Variants in NUMA1 observed in about 807,000 individuals in gnomAD.
NUMA1 encodes SP-H antigen.
Under a neutral mutation model 237.1 loss-of-function variants are expected in NUMA1, and 62 were observed. The observed-to-expected ratio is 0.26, with a 90% CI of 0.21 to 0.32. The LOEUF is 0.32. NUMA1 is among the 10% of genes least tolerant of loss of function. The pLI is 1.00. For synonymous variants in NUMA1, 1,028 were observed against 1,066.1 expected (o/e 0.96, Z 0.70); for missense variants, 2,533 against 2,666.5 (o/e 0.95, Z 1.10).
At chr11:72,043,528 A>AT (rs34806999) in intron 2 of NUMA1, among the ~76,000 whole-genome samples, 108,550 of 123,124 alleles carry the variant, frequency 0.88, 48,242 homozygotes, top group Non-Finnish European at 0.94. Flanking sequence ...TGCCTGGCTA[A>AT]TTTTTTTTTT....
intron 17 of NUMA1, 66 bp from the exon 18 acceptor site, chr11:72,009,453 A>G (rs1346007762): frequency 6.6e-7 from 1 of 1,520,204 alleles, no homozygotes; most frequent in Non-Finnish European, 8.7e-7. Context: ...TATCTGCACC[A>G]GCCACTGGGG....
At position 72,044,607 on chromosome 11, in the gene NUMA1, G is replaced by C. The variant is rs867802484; in HGVS notation, c.-32-8632C>G. Among the ~76,000 whole-genome samples the C allele has an allele frequency of 6.3e-3, 958 of 151,852 alleles. 6 individuals carry two copies. Among genetic ancestry groups the C allele is most frequent in the Middle Eastern group, 0.021 (6 of 288 alleles). ...ACAGTTAACAGGGGTTACTTTGGGGGGGGGGAGGAGTTAGATTGTAGGGAA... is the reference window on the plus strand; with the variant it reads ...ACAGTTAACAGGGGTTACTTTGGGGCGGGGGAGGAGTTAGATTGTAGGGAA... On this transcript the variant is annotated intron_variant, in intron 2 of 26. Coordinates refer to ENST00000393695, the MANE Select transcript of NUMA1 (RefSeq NM_006185.4).
rs1956417517 is a variant in NUMA1 at position 72,014,921 on chromosome 11, G to A, written c.2582C>T (p.Ser861Phe). The A allele has an allele frequency of 6.2e-7, 1 of 1,614,074 alleles. No homozygotes were observed. Among genetic ancestry groups the A allele is most frequent in the Non-Finnish European group, 8.5e-7 (1 of 1,180,060 alleles). Residue 861 changes from serine (S) to phenylalanine (F), a missense_variant, in exon 15 of 27, where the codon TCC (serine) becomes TTC (phenylalanine). Ser to Phe is a radical substitution (Grantham distance 155). Coordinates refer to ENST00000393695, the MANE Select transcript of NUMA1 (RefSeq NM_006185.4). This position sits in a 1 kb window ranked among gnomAD's most constrained non-coding sequence, Gnocchi z 4.6. ...CCGGCTTATCTGGAGCTCGCTGTGGGATTCTATGCCTGCCACCTTCTCCTT... is the reference window on the plus strand; with the variant it reads ...CCGGCTTATCTGGAGCTCGCTGTGGAATTCTATGCCTGCCACCTTCTCCTT... Reference protein sequence around the residue: ...EAKEKVAGIESHSELQISRQQ... With the variant: ...EAKEKVAGIEFHSELQISRQQ...
intron 2 of NUMA1, among the ~76,000 whole-genome samples, chr11:72,046,222 A>T (rs1457322503): frequency 6.6e-6 from 1 of 152,194 alleles, no homozygotes; most frequent in Non-Finnish European, 1.5e-5. Context: ...TCCTCAGAAG[A>T]GCGGGAAAGG....
intron 23 of NUMA1, 68 bp from the exon 24 acceptor site, chr11:72,004,884 C>A (rs2845858): frequency 1.9e-5 from 28 of 1,435,896 alleles, no homozygotes; most frequent in Non-Finnish European, 2.1e-5. Context: ...CTGGGGCTGT[C>A]CCAGAACTCT....
Position 72,017,755 on chromosome 11 carries a change from C to T in NUMA1, c.1051G>A (p.Ala351Thr), listed in dbSNP as rs1455562888. The part of the protein sequence containing the change: ...LNELTEEHSK[A>T]TQEWLEKQAQ... The stretch of plus-strand genomic sequence containing the variant: ...TGCTTCTCTAGCCACTCCTGAGTGG[C>T]CTTGCTGTGCTCCTCCGTCAGCTCA... The change falls in exon 13 of 27, where the codon GCC (alanine) becomes ACC (threonine). Residue 351 changes from alanine to threonine, a missense_variant. Coordinates refer to ENST00000393695, the MANE Select transcript of NUMA1 (RefSeq NM_006185.4). 6.2e-7 allele frequency: 1 copy of T among 1,613,406 alleles called. No homozygotes were observed. The highest frequency in any genetic ancestry group is 1.7e-5 in the Admixed American group (1 of 60,024).
chr11:72,080,061 G>T (rs563444646), intron 1 of NUMA1, among the ~76,000 whole-genome samples: 68 of 152,232 alleles, frequency 4.5e-4, no homozygotes, highest in Non-Finnish European at 7.6e-4. Flanking sequence ...CATTTGGCAG[G>T]TCATTGTGGA....
intron 17 of NUMA1, among the ~76,000 whole-genome samples, chr11:72,010,417 A>G (rs1264230703): frequency 1.3e-5 from 2 of 152,240 alleles, no homozygotes; most frequent in African/African-American, 4.8e-5. Context: ...ACTTTATGCA[A>G]TGGTGGAATG....
intron 1 of NUMA1, among the ~76,000 whole-genome samples, chr11:72,075,868 A>C (rs896340642): frequency 6.6e-6 from 1 of 152,184 alleles, no homozygotes; most frequent in Non-Finnish European, 1.5e-5. Context: ...CTGATGACAT[A>C]GCTGTCCTAG....
intron 1 of NUMA1, among the ~76,000 whole-genome samples, chr11:72,074,854 T>G (rs867597763): frequency 1.3e-5 from 2 of 151,722 alleles, no homozygotes; most frequent in South Asian, 2.1e-4. Flanking sequence ...GGCAACATGG[T>G]CAAACCCTGT....
intron 3 of NUMA1, among the ~76,000 whole-genome samples, chr11:72,034,261 C>T (rs925158018): frequency 1.3e-5 from 2 of 152,070 alleles, no homozygotes; most frequent in African/African-American, 4.8e-5. Context: ...AGATAACATG[C>T]TAAATGACTG....
intron 2 of NUMA1, among the ~76,000 whole-genome samples, chr11:72,057,166 G>A (rs1194804389): frequency 4.6e-5 from 7 of 151,754 alleles, no homozygotes; most frequent in Admixed American, 4.6e-4. Context: ...ACAGATTTGT[G>A]AAGCACATCT....
chr11:72,049,558 A>ATTTT (rs1206062153), intron 2 of NUMA1: 3 of 44,942 alleles, frequency 6.7e-5, no homozygotes, highest in Admixed American at 2.6e-4. Context: ...AAAAATAATA[A>ATTTT]TAATATATAT....
At chr11:72,055,498 T>C (rs529571575) in intron 2 of NUMA1, among the ~76,000 whole-genome samples, 2 of 152,218 alleles carry the variant, frequency 1.3e-5, no homozygotes, top group South Asian at 2.1e-4. Flanking sequence ...ATCATCCCTA[T>C]GTATAGTTTC....
intron 1 of NUMA1, among the ~76,000 whole-genome samples, chr11:72,072,646 C>T (rs762186341): frequency 4.6e-5 from 7 of 152,160 alleles, no homozygotes; most frequent in African/African-American, 9.7e-5. Context: ...CTTATTACCG[C>T]GACTGATTAC....
In NUMA1 at chr11:72,040,426, G is replaced by C. The variant is rs577899544; in HGVS notation, c.-32-4451C>G. Among the ~76,000 whole-genome samples, 14 of 149,618 alleles carry C rather than the reference G, an allele frequency of 9.4e-5. 1 individual carries two copies. Among genetic ancestry groups the C allele is most frequent in the African/African-American group, 3.5e-4 (14 of 40,492 alleles). ...GCAACCAGGCCTGCAGCCATGTATTGTACTGGGGCGCGTACACATACACAC... is the reference window on the plus strand; with the variant it reads ...GCAACCAGGCCTGCAGCCATGTATTCTACTGGGGCGCGTACACATACACAC... On this transcript the variant is annotated intron_variant, in intron 2 of 26. Transcript: ENST00000393695.
chr11:72,035,470 T>C (rs1940907442), intron 3 of NUMA1, among the ~76,000 whole-genome samples: 1 of 150,818 alleles, frequency 6.6e-6, no homozygotes, highest in Non-Finnish European at 1.5e-5. Flanking sequence ...TGCAATGGTG[T>C]GATCTCGGCT....
chr11:72,013,330 G>A lies in NUMA1; in HGVS notation c.4173C>T (p.Ala1391=), dbSNP rs559816332. ...GCAGCTCTGCCCGCAGTCCCCCAGC[G>A]GCCTGCTTGCTCTGCTCCAGCTCCT... ...HREELEQSKQ[A]AGGLRAELLR... Residue 1391 remains alanine (A), a synonymous_variant, in exon 15 of 27, where the codon GCC becomes GCT. Coordinates refer to ENST00000393695, the MANE Select transcript of NUMA1 (RefSeq NM_006185.4). The surrounding 1 kb of genome is among the most constrained non-coding windows in gnomAD (Gnocchi z 6.8). 1.0e-5 allele frequency: 16 copies of A among 1,606,552 alleles called. No individual in the cohort carries two copies. The highest frequency in any genetic ancestry group is 1.7e-5 in the Admixed American group (1 of 59,992).
intron 4 of NUMA1, among the ~76,000 whole-genome samples, chr11:72,027,422 CAA>C (rs996829124): frequency 8.4e-6 from 1 of 119,430 alleles, no homozygotes; most frequent in Non-Finnish European, 1.8e-5. Flanking sequence ...GTATCCTTGA[CAA>C]AAAAAAAAAG....
Sources: allele counts gnomAD v4.1 joint callset (sites outside exome capture counted in the v4.1 genomes callset), GRCh38; gene constraint gnomAD v4.1.1; non-coding constraint Gnocchi (gnomAD v3.1); transcripts MANE v1.5; gene names NCBI Gene and HGNC (gene_info 2026-07-23, HGNC 2026-07-21).